The following MYBPC3 variants were observed in gnomAD, a reference collection of about 807,000 sequenced individuals.
MYBPC3 encodes the protein myosin binding protein C3.
A neutral mutation model predicts 159.3 loss-of-function variants in MYBPC3; 108 were observed. That is an observed-to-expected ratio of 0.68 (90% CI 0.58 to 0.80). The LOEUF (loss-of-function observed/expected upper bound fraction) is 0.80. MYBPC3 is among the 30% of genes least tolerant of loss of function. The probability of loss-of-function intolerance (pLI) is 0.00; values close to 1 mark genes in which losing one functional copy is unlikely to be tolerated. For synonymous variants in MYBPC3, 730 were observed against 702.0 expected, an observed-to-expected ratio of 1.04 and a Z score of -0.63; for missense variants, 1,631 against 1,762.1, an observed-to-expected ratio of 0.93 and a Z score of 1.33.
rs1005326188 is a variant in MYBPC3, at chr11:47,331,667, T to TC, written c.*75dup. 6 of 637,278 alleles carry TC rather than the reference T, an allele frequency of 9.4e-6. No homozygotes were observed. The highest frequency in any genetic ancestry group is 9.2e-5 in the African/African-American group (5 of 54,636). The allele number at this position is 637,278 out of a possible 1,614,324, so 39.5% of individuals were successfully genotyped here. On this transcript the variant is annotated 3_prime_UTR_variant, in exon 35 of 35. Transcript: ENST00000545968. ...ATACATCCAACAGTAGGGAGGGGTTTCCCCAACTTCCCTCCAGGCTCCTGG... is the reference window on the plus strand; with the variant it reads ...ATACATCCAACAGTAGGGAGGGGTTTCCCCCAACTTCCCTCCAGGCTCCTGG...
chr11:47,337,502 G>A lies in MYBPC3; in HGVS notation c.2491C>T (p.His831Tyr), dbSNP rs748443032. The A allele has an allele frequency of 1.2e-6, 2 of 1,614,006 alleles. No individual in the cohort carries two copies. Among genetic ancestry groups the A allele is most frequent in the Non-Finnish European group, 1.7e-6 (2 of 1,179,892 alleles). Residue 831 changes from histidine to tyrosine, a missense_variant, in exon 25 of 35, where the codon CAT (histidine) becomes TAT (tyrosine). By Grantham distance (83) the His-to-Tyr change is moderately conservative (BLOSUM62 2). Coordinates refer to ENST00000545968, the MANE Select transcript of MYBPC3 (RefSeq NM_000256.3). ...LNFDLIQELSHEARRMIEGVV... is the reference protein window; with the variant it reads ...LNFDLIQELSYEARRMIEGVV... ...CCCTCGATCATGCGCCGCGCTTCAT[G>A]ACTCAGCTCCTGAATCAGGTCGAAG...
intron 3 of MYBPC3, 34 bp downstream of exon 3, chr11:47,350,468 C>T (rs764370801): frequency 5.6e-5 from 86 of 1,543,590 alleles, no homozygotes; most frequent in Admixed American, 1.7e-4. Flanking sequence ...GCCCTACCCA[C>T]GGATCCTGCC....
Position 47,332,309 on chromosome 11 carries a change from C to T in MYBPC3, c.3628-51G>A. 3 of 1,589,584 alleles carry T rather than the reference C, an allele frequency of 1.9e-6. No homozygotes were observed. Among genetic ancestry groups the T allele is most frequent in the Non-Finnish European group, 2.6e-6 (3 of 1,158,754 alleles). On this transcript the variant is annotated intron_variant, in intron 32 of 34. Coordinates refer to ENST00000545968, the MANE Select transcript of MYBPC3 (RefSeq NM_000256.3). The surrounding 1 kb of genome is among the most constrained non-coding windows in gnomAD (Gnocchi z 4.2). ...GGAAGCCATCCAGGCTGAGAGGGGA[C>T]CTGGCAGGGACCCAGGGAGACACAT...
intron 19 of MYBPC3, 45 bp downstream of exon 19, chr11:47,341,093 C>G (rs1254593719): frequency 5.7e-6 from 9 of 1,566,074 alleles, no homozygotes; most frequent in African/African-American, 2.7e-5. Context: ...GACAGGGGCT[C>G]CTGGCCCCAC....
chr11:47,339,164 C>T (rs1394762429), intron 22 of MYBPC3, among the ~76,000 whole-genome samples, 160 bp downstream of exon 22: 1 of 152,236 alleles, frequency 6.6e-6, no homozygotes, highest in African/African-American at 2.4e-5. Context: ...CAGAGACCCT[C>T]TGCCTGAGGT....
At chr11:47,333,402 G>A in intron 29 of MYBPC3, 69 bp from the exon 30 acceptor site, 1 of 1,500,216 alleles carries the variant, frequency 6.7e-7, no homozygotes, top group Non-Finnish European at 8.9e-7. Flanking sequence ...TGGCTCCAGG[G>A]ACCACCCCAC....
chr11:47,343,226 C>A, intron 14 of MYBPC3, 34 bp downstream of exon 14: 2 of 1,573,688 alleles, frequency 1.3e-6, no homozygotes, highest in Non-Finnish European at 1.7e-6. Context: ...AATCCCTGTG[C>A]CCCCCACCCC....
intron 20 of MYBPC3, among the ~76,000 whole-genome samples, chr11:47,340,568 G>C (rs1428861395): frequency 6.6e-6 from 1 of 152,224 alleles, no homozygotes; most frequent in Non-Finnish European, 1.5e-5. Context: ...TCAGGAGGCT[G>C]AGGCAGGAGA....
In MYBPC3 at chr11:47,339,655, G is replaced by T. The variant is rs3729946; in HGVS notation, c.2063C>A (p.Thr688Lys). Reference protein sequence around the residue: ...APTVIWQKAITQGNKAPARPA... With the variant: ...APTVIWQKAIKQGNKAPARPA... ...CTGAGGAGGGACCCACAGTACCTGCGTGATAGCCTTCTGCCAGATCACAGT... is the reference window on the plus strand; with the variant it reads ...CTGAGGAGGGACCCACAGTACCTGCTTGATAGCCTTCTGCCAGATCACAGT... The change falls in exon 21 of 35, where the codon ACG (threonine) becomes AAG (lysine). Residue 688 changes from threonine (T) to lysine (K), a missense_variant. By Grantham distance (78) the Thr-to-Lys change is moderately conservative (BLOSUM62 -1). Transcript: ENST00000545968. 33 of 1,596,766 alleles carry T rather than the reference G, an allele frequency of 2.1e-5. No homozygotes were observed. Among genetic ancestry groups the T allele is most frequent in the Non-Finnish European group, 2.8e-5 (33 of 1,170,274 alleles).
rs727503200 is a variant in MYBPC3 at position 47,342,662 on chromosome 11, T to C, written c.1540A>G (p.Ile514Val). 1.2e-6 allele frequency: 2 copies of C among 1,613,898 alleles called. No individual in the cohort carries two copies. The highest frequency in any genetic ancestry group is 1.7e-6 in the Non-Finnish European group (2 of 1,179,900). The change falls in exon 17 of 35, where the codon ATC (isoleucine) becomes GTC (valine). Residue 514 changes from isoleucine to valine, a missense_variant. Physicochemically the swap from Ile to Val is conservative, Grantham distance 29 (BLOSUM62 3). Transcript: ENST00000545968. ...GCGTCCTCCAGCATGGCCTCGTTGA[T>C]GATCAGGTGGTGTCTCTGCCCGTCC... is the stretch of plus-strand genomic sequence containing the variant. ...KKDGQRHHLI[I>V]NEAMLEDAGH...
chr11:47,333,892 C>T lies in MYBPC3; in HGVS notation c.2994+30G>A. ...AACAACACACTATAGCCTCTCTCCC[C>T]TGGGGGACAGGGAAGGGGGCCAGTC... is the stretch of plus-strand genomic sequence containing the variant. On this transcript the variant is annotated intron_variant, in intron 28 of 34. Transcript: ENST00000545968. The T allele has an allele frequency of 2.6e-6, 4 of 1,558,998 alleles. No homozygotes were observed. In the South Asian group the frequency reaches 3.5e-5, roughly 14 times the overall value.
At chr11:47,342,517 T>G in intron 17 of MYBPC3, 61 bp downstream of exon 17, 1 of 1,463,046 alleles carries the variant, frequency 6.8e-7, no homozygotes. Flanking sequence ...CAGGGCTAGG[T>G]GGGGTGGGGG....
At position 47,332,611 on chromosome 11, in the gene MYBPC3, C is replaced by T. The variant is rs771490490; in HGVS notation, c.3582G>A (p.Ala1194=). 27 of 1,613,752 alleles carry T rather than the reference C, an allele frequency of 1.7e-5. No individual in the cohort carries two copies. The highest frequency in any genetic ancestry group is 2.1e-5 in the Non-Finnish European group (25 of 1,179,876). ...CACAGCAGAGCATAGCAGTGTAGCC[C>T]GCGATGACCGAGCGGTTCACCAGGG... ...TQPLVNRSVI[A]GYTAMLCCAV... The change falls in exon 32 of 35, where the codon GCG becomes GCA. Residue 1194 remains alanine, a synonymous_variant. Transcript: ENST00000545968. The surrounding 1 kb of genome is among the most constrained non-coding windows in gnomAD (Gnocchi z 4.2).
intron 22 of MYBPC3, among the ~76,000 whole-genome samples, chr11:47,339,036 A>ACAAGGT (rs908245257): frequency 6.9e-4 from 105 of 152,348 alleles, no homozygotes; most frequent in African/African-American, 2.1e-3. Flanking sequence ...GAGAGGGAGC[A>ACAAGGT]CAAGGTCAAG....
chr11:47,339,218 G>A (rs1171261712), intron 22 of MYBPC3, 106 bp downstream of exon 22: 11 of 1,237,430 alleles, frequency 8.9e-6, no homozygotes, highest in African/African-American at 1.5e-5. Flanking sequence ...CAACACACCC[G>A]GCCAAGTGTG....
rs730880625 is a variant in MYBPC3 at position 47,348,469 on chromosome 11, T to G, written c.727A>C (p.Thr243Pro). Residue 243 changes from threonine to proline, a missense_variant, in exon 6 of 35, where the codon ACC (threonine) becomes CCC (proline). Physicochemically the swap from Thr to Pro is conservative, Grantham distance 38. Coordinates refer to ENST00000545968, the MANE Select transcript of MYBPC3 (RefSeq NM_000256.3). ...FTGSYRCEVS[T>P]KDKFDCSNFN... The stretch of plus-strand genomic sequence containing the variant: ...TTGGAGCAGTCAAATTTGTCCTTGG[T>G]GGACACCTCACAGCGGTAGCTGCCA... 2 of 1,613,378 alleles carry G rather than the reference T, an allele frequency of 1.2e-6. No individual in the cohort carries two copies. Among genetic ancestry groups the G allele is most frequent in the Admixed American group, 3.3e-5 (2 of 59,954 alleles).
In MYBPC3 at chr11:47,352,701, C is replaced by T; in HGVS notation, c.-54G>A. On this transcript the variant is annotated 5_prime_UTR_variant, in exon 1 of 35. Transcript: ENST00000545968. ...CAGGCACAGGTCACCCAAAGAGGGA[C>T]TGAGTGGGGTCCTGTCCTTCCCACT... The T allele has an allele frequency of 8.5e-6, 13 of 1,523,980 alleles. No individual in the cohort carries two copies. In the South Asian group the frequency reaches 1.6e-4, roughly 18 times the overall value. 94.4% of individuals were successfully genotyped at this position (1,523,980 alleles called of 1,614,324 possible). A position where few individuals can be genotyped will look rare whatever the true frequency, so the allele number is the denominator to read the frequency against.
At chr11:47,340,485 A>C (rs1338884865) in intron 20 of MYBPC3, among the ~76,000 whole-genome samples, 1 of 152,156 alleles carries the variant, frequency 6.6e-6, no homozygotes, top group Non-Finnish European at 1.5e-5. Flanking sequence ...TAACATGGTG[A>C]AACCCCGTCT....
rs749697983 is a variant in MYBPC3, at chr11:47,332,573, C to A, written c.3620G>T (p.Ser1207Ile). The A allele has an allele frequency of 6.2e-7, 1 of 1,608,138 alleles. No individual in the cohort carries two copies. The highest frequency in any genetic ancestry group is 1.7e-5 in the Admixed American group (1 of 59,628). The change falls in exon 32 of 35, where the codon AGC becomes ATC. Residue 1207 changes from serine to isoleucine, a missense_variant. By Grantham distance (142) the Ser-to-Ile change is moderately radical (BLOSUM62 -2). Coordinates refer to ENST00000545968, the MANE Select transcript of MYBPC3 (RefSeq NM_000256.3). This position sits in a 1 kb window ranked among gnomAD's most constrained non-coding sequence, Gnocchi z 4.2. ...GCGCCTAAAGTTCCCTACCTTGGGG[C>A]TACCCCGGACAGCACAGCAGAGCAT... ...TAMLCCAVRG[S>I]PKPKISWFKN...
Sources: allele counts gnomAD v4.1 joint callset (sites outside exome capture counted in the v4.1 genomes callset), GRCh38; gene constraint gnomAD v4.1.1; non-coding constraint Gnocchi (gnomAD v3.1); transcripts MANE v1.5; gene names NCBI Gene and HGNC (gene_info 2026-07-23, HGNC 2026-07-21).